ZFHX3: variants seen among roughly 807,000 people sequenced by gnomAD.
ZFHX3 encodes the protein zinc finger homeobox 3, also known as zinc finger homeobox protein 3.
In ZFHX3, 42 loss-of-function variants were observed where a neutral mutation model predicts 279.1. The ratio of observed to expected loss-of-function variants is 0.15; its 90% CI spans 0.12 to 0.19. The LOEUF is 0.19. Ranked by LOEUF, ZFHX3 falls within the 10% of genes least tolerant of loss-of-function variation. ZFHX3 has a pLI of 1.00. For missense variants in ZFHX3, 4,981 were observed against 4,754.0 expected (o/e 1.05, Z -1.40); for synonymous variants, 2,293 against 1,957.8 (o/e 1.17, Z -4.52).
chr16:73,586,389 AAAACAAACAAACAAAC>A (rs145424169), intron 2 of ZFHX3, among the ~76,000 whole-genome samples: 102 of 146,768 alleles, frequency 6.9e-4, no homozygotes, highest in African/African-American at 2.2e-3. Context: ...ACTCTATCTC[AAAACAAACAAACAAAC>A]AAACAAACAA....
intron 2 of ZFHX3, among the ~76,000 whole-genome samples, chr16:73,542,046 C>T (rs1283998117): frequency 1.3e-5 from 2 of 151,946 alleles, no homozygotes; most frequent in East Asian, 3.9e-4. Context: ...GTGATCTGCC[C>T]ACCTCGGCCT....
chr16:73,316,374 C>T (rs1261077045), intron 4 of ZFHX3, among the ~76,000 whole-genome samples: 1 of 152,132 alleles, frequency 6.6e-6, no homozygotes, highest in Non-Finnish European at 1.5e-5. Flanking sequence ...AGACCTGCCC[C>T]TTTATGTCCA....
At chr16:73,861,305 T>A (rs1233345107) in intron 1 of ZFHX3, among the ~76,000 whole-genome samples, 1 of 152,122 alleles carries the variant, frequency 6.6e-6, no homozygotes, top group Non-Finnish European at 1.5e-5. Context: ...ACTCTCAGAA[T>A]CAAAATTGTC....
chr16:73,063,641 C>T (rs906933975), upstream of ZFHX3, among the ~76,000 whole-genome samples: 1 of 152,030 alleles, frequency 6.6e-6, no homozygotes. Context: ...CCAGGGGTCC[C>T]CCTGGCAGGA....
intron 1 of ZFHX3, among the ~76,000 whole-genome samples, chr16:73,682,933 A>G (rs201181039): frequency 1.3e-4 from 2 of 15,554 alleles, no homozygotes; most frequent in African/African-American, 3.1e-4. Context: ...AGAGAAAGAA[A>G]GAAAGAAAGA....
intron 2 of ZFHX3, among the ~76,000 whole-genome samples, chr16:73,605,732 A>T (rs1289560281): frequency 6.6e-6 from 1 of 152,116 alleles, no homozygotes; most frequent in Non-Finnish European, 1.5e-5. Flanking sequence ...CGTGAACAGC[A>T]GACATTCTCT....
intron 1 of ZFHX3, among the ~76,000 whole-genome samples, chr16:73,686,672 G>C (rs1158323323): frequency 6.6e-6 from 1 of 151,980 alleles, no homozygotes; most frequent in African/African-American, 2.4e-5. Context: ...GGTAAGGGTG[G>C]GCTCCAGGGT....
At chr16:73,111,551 C>A (rs1210439869) in intron 7 of ZFHX3, among the ~76,000 whole-genome samples, 1 of 151,270 alleles carries the variant, frequency 6.6e-6, no homozygotes, top group East Asian at 1.9e-4. Flanking sequence ...TGCTGTTTAT[C>A]CTAAGTCTTT....
chr16:73,789,914 A>G (rs924289098), intron 1 of ZFHX3, among the ~76,000 whole-genome samples: 3 of 152,166 alleles, frequency 2.0e-5, no homozygotes, highest in Non-Finnish European at 4.4e-5. Flanking sequence ...TTCTCCTACT[A>G]AATGATAAAT....
chr16:73,134,039 C>A (rs886664488), intron 6 of ZFHX3, among the ~76,000 whole-genome samples: 4 of 152,124 alleles, frequency 2.6e-5, no homozygotes, highest in African/African-American at 7.2e-5. Context: ...ATGTCTACGC[C>A]TATATCTAAT....
chr16:72,874,246 G>A (rs1288260923), intron 4 of ZFHX3, among the ~76,000 whole-genome samples: 4 of 130,456 alleles, frequency 3.1e-5, no homozygotes, highest in South Asian at 4.8e-4. Flanking sequence ...TCACTCTGTC[G>A]CTCAGCCTGG....
chr16:73,537,275 T>C (rs1420046039), intron 2 of ZFHX3, among the ~76,000 whole-genome samples: 1 of 151,766 alleles, frequency 6.6e-6, no homozygotes, highest in Non-Finnish European at 1.5e-5. Context: ...TCTTGTGTTC[T>C]GATTCCGGCT....
intron 1 of ZFHX3, among the ~76,000 whole-genome samples, chr16:72,977,938 C>G (rs1331871403): frequency 1.3e-5 from 2 of 152,098 alleles, no homozygotes; most frequent in Admixed American, 1.3e-4. Context: ...GATCTCGGCT[C>G]ACTGCAACCT....
chr16:73,221,016 G>T (rs1411891593), intron 5 of ZFHX3, among the ~76,000 whole-genome samples: 1 of 152,112 alleles, frequency 6.6e-6, no homozygotes, highest in Non-Finnish European at 1.5e-5. Flanking sequence ...GTTATCAAGG[G>T]CAAAGGAATC....
At chr16:73,881,492 C>CCCCCCCCCCCCCCCCCA (rs1461249715) in intron 1 of ZFHX3, among the ~76,000 whole-genome samples, 2 of 93,580 alleles carry the variant, frequency 2.1e-5, no homozygotes, top group Non-Finnish European at 5.4e-5. Context: ...CCCCCCCCCC[C>CCCCCCCCCCCCCCCCCA]ACTCTGCCCA....
At position 72,950,508 on chromosome 16, in the gene ZFHX3, C is replaced by T. The variant is rs763822990; in HGVS notation, c.3177G>A (p.Thr1059=). ...TNSLEKLRLH[T]VNSRHEASLK... ...GGCTGGCCTCGTGCCTGGAGTTGAC[C>T]GTGTGCAGCCGCAGCTTCTCCAGGC... Residue 1059 remains threonine (T), a synonymous_variant, in exon 3 of 10, where the codon ACG becomes ACA. Coordinates refer to ENST00000268489, the MANE Select transcript of ZFHX3 (RefSeq NM_006885.4). 1.1e-5 allele frequency: 18 copies of T among 1,614,100 alleles called. No individual in the cohort carries two copies. In the African/African-American group the frequency reaches 1.3e-4, roughly 12 times the overall value.
intron 1 of ZFHX3, among the ~76,000 whole-genome samples, chr16:73,877,003 C>T (rs555971106): frequency 1.3e-5 from 2 of 150,616 alleles, no homozygotes; most frequent in East Asian, 1.9e-4. Flanking sequence ...ATGCTAAATA[C>T]GAGCCCTGGT....
At chr16:73,535,591 G>C (rs1283337125) in intron 2 of ZFHX3, among the ~76,000 whole-genome samples, 1 of 152,174 alleles carries the variant, frequency 6.6e-6, no homozygotes. Flanking sequence ...TCTACTGAGA[G>C]AATAATGATC....
chr16:72,962,283 G>A (rs1232065412), intron 1 of ZFHX3, among the ~76,000 whole-genome samples: 1 of 152,206 alleles, frequency 6.6e-6, no homozygotes, highest in Non-Finnish European at 1.5e-5. Flanking sequence ...TAATTGGTGG[G>A]CTTCTCTTGC....
Sources: gnomAD v4.1 joint callset for allele counts (sites outside exome capture counted in the v4.1 genomes callset) on GRCh38, gnomAD v4.1.1 for gene constraint, MANE v1.5 for transcripts, NCBI Gene and HGNC (gene_info 2026-07-23, HGNC 2026-07-21) for gene names.